TOGARAM2: variants seen among roughly 807,000 people sequenced by gnomAD.
TOGARAM2 encodes the protein TOG array regulator of axonemal microtubules 2.
In TOGARAM2, 85 loss-of-function variants were observed where a neutral mutation model predicts 93.3. The observed-to-expected ratio is 0.91, with a 90% CI of 0.76 to 1.09. TOGARAM2 has a LOEUF of 1.09. TOGARAM2 is among the 50% of genes least tolerant of loss of function. The pLI is 0.00. For missense variants in TOGARAM2, 1,277 were observed against 1,334.5 expected, an observed-to-expected ratio of 0.96 and a Z score of 0.67; for synonymous variants, 593 against 552.8, an observed-to-expected ratio of 1.07 and a Z score of -1.02.
intron 1 of TOGARAM2, among the ~76,000 whole-genome samples, chr2:28,973,112 C>T (rs924737591): frequency 1.3e-5 from 2 of 152,152 alleles, no homozygotes; most frequent in African/African-American, 4.8e-5. Context: ...CCTCTTTCCT[C>T]TGTGTGGGCT....
chr2:29,006,127 A>G (rs1047350328), intron 6 of TOGARAM2, among the ~76,000 whole-genome samples: 4 of 144,260 alleles, frequency 2.8e-5, no homozygotes, highest in African/African-American at 1.0e-4. Flanking sequence ...ATGTGTGTGC[A>G]TGTGTGTGAG....
At chr2:29,008,132 T>C (rs1381337732) in intron 6 of TOGARAM2, among the ~76,000 whole-genome samples, 1 of 130,288 alleles carries the variant, frequency 7.7e-6, no homozygotes, top group Non-Finnish European at 1.7e-5. Context: ...TTTTGTTTTA[T>C]TTATTTGTTT....
chr2:29,038,344 T>C (rs1328719734), intron 18 of TOGARAM2, among the ~76,000 whole-genome samples: 1 of 152,134 alleles, frequency 6.6e-6, no homozygotes, highest in African/African-American at 2.4e-5. Context: ...GCTCTCTTCC[T>C]CTCTAATCCA....
chr2:28,966,988 T>C (rs1671875432), intron 1 of TOGARAM2, among the ~76,000 whole-genome samples: 1 of 152,254 alleles, frequency 6.6e-6, no homozygotes, highest in South Asian at 2.1e-4. Context: ...TTTTTTAAAG[T>C]CTGCAAGTCT....
At chr2:29,025,097 C>T (rs13026779) in intron 13 of TOGARAM2, among the ~76,000 whole-genome samples, 45,230 of 152,026 alleles carry the variant, frequency 0.3, 6,862 homozygotes, top group Middle Eastern at 0.35. Context: ...TCAGTAGCCC[C>T]AGGGGCCTGT....
chr2:29,047,809 T>C (rs934778667), intron 19 of TOGARAM2: 1 of 151,686 alleles, frequency 6.6e-6, no homozygotes, highest in Non-Finnish European at 1.5e-5. Flanking sequence ...GGCTGAAGTG[T>C]AAACACGCCT....
rs146172095 is a variant in TOGARAM2 at position 28,993,870 on chromosome 2, G to T, written c.-110-855G>T. Among the ~76,000 whole-genome samples, 1,049 of 152,346 alleles carry T rather than the reference G, an allele frequency of 6.9e-3. 14 individuals are homozygous for T. Among genetic ancestry groups the T allele is most frequent in the African/African-American group, 0.024 (994 of 41,566 alleles). On this transcript the variant is annotated intron_variant, in intron 1 of 19. Coordinates refer to ENST00000379558, the MANE Select transcript of TOGARAM2 (RefSeq NM_199280.4). The stretch of plus-strand genomic sequence containing the variant: ...TGGGATTTGTTGCTCAGAAAAGGGA[G>T]TTGGCACAGGTTCCTGCCCTGTCCC...
chr2:29,004,974 ATGTG>A (rs1327645015), intron 6 of TOGARAM2, among the ~76,000 whole-genome samples: 1 of 109,886 alleles, frequency 9.1e-6, no homozygotes, highest in Non-Finnish European at 1.8e-5. Flanking sequence ...GTGTGAGTGC[ATGTG>A]TGTATGTGTG....
At chr2:29,050,208 A>T (rs1454820180) in intron 19 of TOGARAM2, 3 of 152,156 alleles carry the variant, frequency 2.0e-5, no homozygotes, top group Non-Finnish European at 4.4e-5. Flanking sequence ...TTTTTAAAAA[A>T]ATAACTGAGC....
Position 28,984,977 on chromosome 2 carries a change from G to T in TOGARAM2, c.-111+3439G>T, listed in dbSNP as rs926140837. Among the ~76,000 whole-genome samples, 6 of 152,320 alleles carry T rather than the reference G, an allele frequency of 3.9e-5. No individual in the cohort carries two copies. In the East Asian group the frequency reaches 1.2e-3, roughly 29 times the overall value. On this transcript the variant is annotated intron_variant, in intron 1 of 19. Coordinates refer to ENST00000379558, the MANE Select transcript of TOGARAM2 (RefSeq NM_199280.4). ...GGCAGCCAGTGTGATGCCTATAGGGGTATGGGCCCTGGGATAGGTATTGGC... is the reference window on the plus strand; with the variant it reads ...GGCAGCCAGTGTGATGCCTATAGGGTTATGGGCCCTGGGATAGGTATTGGC...
chr2:29,002,522 C>G lies in TOGARAM2; in HGVS notation c.428-14C>G, dbSNP rs751681420. The G allele has an allele frequency of 1.2e-6, 2 of 1,608,900 alleles. No individual in the cohort carries two copies. Among genetic ancestry groups the G allele is most frequent in the Admixed American group, 1.7e-5 (1 of 59,772 alleles). ...TCTGGGACTAACTGATTTCCCATCCCCATCCCTGTACAGCCTCTCTGGATC... is the reference window on the plus strand; with the variant it reads ...TCTGGGACTAACTGATTTCCCATCCGCATCCCTGTACAGCCTCTCTGGATC... On this transcript the variant is annotated splice_polypyrimidine_tract_variant and intron_variant, in intron 4 of 19. Coordinates refer to ENST00000379558, the MANE Select transcript of TOGARAM2 (RefSeq NM_199280.4).
intron 6 of TOGARAM2, among the ~76,000 whole-genome samples, chr2:29,005,455 G>C (rs1472485551): frequency 3.5e-5 from 5 of 142,876 alleles, no homozygotes; most frequent in Non-Finnish European, 3.0e-5. Flanking sequence ...GTATGTGAGA[G>C]CATGTGTGAC....
chr2:28,974,281 C>G (rs1671995695), intron 1 of TOGARAM2, among the ~76,000 whole-genome samples: 1 of 151,968 alleles, frequency 6.6e-6, no homozygotes, highest in Non-Finnish European at 1.5e-5. Flanking sequence ...GTGTGCACCA[C>G]CACGCCCAGC....
chr2:28,985,072 A>C (rs1672405464), intron 1 of TOGARAM2, among the ~76,000 whole-genome samples: 1 of 152,034 alleles, frequency 6.6e-6, no homozygotes, highest in Non-Finnish European at 1.5e-5. Context: ...TTAAAGCCTA[A>C]CCCCCCATGT....
At chr2:28,973,934 T>C (rs973763029) in intron 1 of TOGARAM2, among the ~76,000 whole-genome samples, 2 of 152,136 alleles carry the variant, frequency 1.3e-5, no homozygotes, top group African/African-American at 4.8e-5. Flanking sequence ...AAATGTAGAA[T>C]CCTGGGTTAA....
intron 10 of TOGARAM2, chr2:29,018,344 C>T (rs1269222237): frequency 1.1e-5 from 2 of 175,990 alleles, no homozygotes; most frequent in African/African-American, 4.7e-5. Context: ...CATAAAATGT[C>T]AGGGCTGGAC....
chr2:28,973,457 T>TCC (rs59338779), intron 1 of TOGARAM2, among the ~76,000 whole-genome samples: 1 of 126,240 alleles, frequency 7.9e-6, no homozygotes, highest in African/African-American at 2.9e-5. Context: ...CTTCCTTCCT[T>TCC]CCTTCCTTCC....
At position 29,035,619 on chromosome 2, in the gene TOGARAM2, A is replaced by T; in HGVS notation, c.2381A>T (p.Lys794Met). ...EGVGQLLELC[K>M]AKTELVTAHL... Reference sequence around the variant, plus strand: ...GTGGGGCAGCTCCTGGAGCTCTGCAAGGCCAAGACGGAGCTTGTCACTGCC... The same window carrying T: ...GTGGGGCAGCTCCTGGAGCTCTGCATGGCCAAGACGGAGCTTGTCACTGCC... Residue 794 changes from lysine (K) to methionine (M), a missense_variant, in exon 17 of 20, where the codon AAG (lysine) becomes ATG (methionine). Lys to Met is a moderately conservative substitution (Grantham distance 95, BLOSUM62 -1). Coordinates refer to ENST00000379558, the MANE Select transcript of TOGARAM2 (RefSeq NM_199280.4). The T allele has an allele frequency of 6.4e-7, 1 of 1,552,126 alleles. No homozygotes were observed. The highest frequency in any genetic ancestry group is 8.7e-7 in the Non-Finnish European group (1 of 1,149,170).
chr2:28,976,106 C>T (rs1431982714), intron 1 of TOGARAM2, among the ~76,000 whole-genome samples: 3 of 152,356 alleles, frequency 2.0e-5, no homozygotes, highest in Non-Finnish European at 4.4e-5. Flanking sequence ...TGTGGCGGCT[C>T]ACGCCTGTAA....
Sources: allele counts gnomAD v4.1 joint callset (sites outside exome capture counted in the v4.1 genomes callset), GRCh38; gene constraint gnomAD v4.1.1; transcripts MANE v1.5; gene names NCBI Gene and HGNC (gene_info 2026-07-23, HGNC 2026-07-21).